The following MACROD2 variants were observed in gnomAD, a reference collection of about 807,000 sequenced individuals.
The protein encoded by MACROD2 is ADP-ribose glycohydrolase MACROD2.
Under a neutral mutation model 70.4 loss-of-function variants are expected in MACROD2, and 36 were observed. The ratio of observed to expected loss-of-function variants is 0.51; its 90% CI spans 0.39 to 0.68. The LOEUF (loss-of-function observed/expected upper bound fraction) is 0.68, where lower values mean the gene tolerates loss of function less well. Ranked by LOEUF, MACROD2 falls within the 30% of genes least tolerant of loss-of-function variation. MACROD2 has a pLI of 0.00. For synonymous variants in MACROD2, 172 were observed against 178.8 expected (o/e 0.96, Z 0.30); for missense variants, 496 against 538.4 (o/e 0.92, Z 0.78).
At chr20:15,928,270 T>C (rs2065521808) in intron 10 of MACROD2, among the ~76,000 whole-genome samples, 1 of 152,222 alleles carries the variant, frequency 6.6e-6, no homozygotes, top group African/African-American at 2.4e-5. Flanking sequence ...CAACATTCTG[T>C]TGCTTAAAAT....
At chr20:15,133,977 A>C (rs1247807232) in intron 5 of MACROD2, among the ~76,000 whole-genome samples, 9 of 142,076 alleles carry the variant, frequency 6.3e-5, no homozygotes, top group Admixed American at 5.9e-4. Context: ...GTGCCATCTC[A>C]GCTCACTGCA....
chr20:15,516,944 A>G (rs1010081111), intron 8 of MACROD2, among the ~76,000 whole-genome samples: 13 of 152,320 alleles, frequency 8.5e-5, no homozygotes, highest in African/African-American at 3.1e-4. Flanking sequence ...CTTGACTTTG[A>G]ATTATGGTAG....
chr20:14,790,617 A>T (rs1405627399), intron 5 of MACROD2, among the ~76,000 whole-genome samples: 3 of 152,074 alleles, frequency 2.0e-5, no homozygotes, highest in African/African-American at 4.8e-5. Flanking sequence ...ACATAATTGT[A>T]TGTGTTTTGT....
At chr20:14,770,185 T>C (rs2072146018) in intron 5 of MACROD2, among the ~76,000 whole-genome samples, 2 of 151,998 alleles carry the variant, frequency 1.3e-5, no homozygotes, top group Admixed American at 6.6e-5. Context: ...GAAATCTAAG[T>C]AGTGTTTACT....
chr20:14,487,446 T>TA (rs2084748486), intron 3 of MACROD2, among the ~76,000 whole-genome samples: 1 of 152,180 alleles, frequency 6.6e-6, no homozygotes, highest in South Asian at 2.1e-4. Flanking sequence ...AGGTCAATGA[T>TA]AGAGTCTGGA....
chr20:15,871,265 A>C (rs1026996620), intron 9 of MACROD2, among the ~76,000 whole-genome samples: 1 of 152,146 alleles, frequency 6.6e-6, no homozygotes, highest in South Asian at 2.1e-4. Flanking sequence ...AAAACTTTAA[A>C]ATTTTACCCA....
chr20:15,171,602 A>G (rs1249490019), intron 5 of MACROD2, among the ~76,000 whole-genome samples: 1 of 151,154 alleles, frequency 6.6e-6, no homozygotes, highest in Non-Finnish European at 1.5e-5. Context: ...ACATCCCACC[A>G]TCCCACTCAG....
intron 6 of MACROD2, among the ~76,000 whole-genome samples, chr20:15,430,366 T>A (rs1471987274): frequency 6.6e-6 from 1 of 152,090 alleles, no homozygotes; most frequent in Non-Finnish European, 1.5e-5. Context: ...GAAATCTCCG[T>A]ACTGTTTTCT....
intron 3 of MACROD2, among the ~76,000 whole-genome samples, chr20:14,393,888 T>C (rs375427397): frequency 3.9e-5 from 6 of 152,266 alleles, no homozygotes; most frequent in African/African-American, 1.4e-4. Context: ...ACTGTCCTTA[T>C]AAGAAGAGGA....
chr20:15,079,982 A>G (rs2075690239), intron 5 of MACROD2, among the ~76,000 whole-genome samples: 1 of 151,588 alleles, frequency 6.6e-6, no homozygotes, highest in South Asian at 2.1e-4. Flanking sequence ...AAATCTACCA[A>G]CCTGCCTGCT....
chr20:15,313,165 A>C (rs2146151780), intron 6 of MACROD2, among the ~76,000 whole-genome samples: 1 of 152,304 alleles, frequency 6.6e-6, no homozygotes, highest in South Asian at 2.1e-4. Flanking sequence ...TGAAAAGCAT[A>C]AATTTCAAAA....
At chr20:15,507,939 T>C (rs904066284) in intron 8 of MACROD2, among the ~76,000 whole-genome samples, 2 of 152,202 alleles carry the variant, frequency 1.3e-5, no homozygotes, top group Non-Finnish European at 2.9e-5. Flanking sequence ...AGTTAGCCAG[T>C]GATGGGGAGG....
intron 7 of MACROD2, among the ~76,000 whole-genome samples, chr20:15,474,508 T>G (rs2046997130): frequency 6.6e-6 from 1 of 152,196 alleles, no homozygotes; most frequent in African/African-American, 2.4e-5. Context: ...CTTTCTTTGC[T>G]TTTTCCTGCT....
chr20:15,248,265 C>A (rs74326695), intron 6 of MACROD2, among the ~76,000 whole-genome samples: 28,648 of 152,082 alleles, frequency 0.19, 3,207 homozygotes, highest in African/African-American at 0.31. Context: ...ATCCTCAAGC[C>A]GTCCTCCCTG....
chr20:14,957,044 C>T (rs1401899076), intron 5 of MACROD2, among the ~76,000 whole-genome samples: 1 of 152,226 alleles, frequency 6.6e-6, no homozygotes, highest in East Asian at 1.9e-4. Context: ...CAATAATACT[C>T]ATAAATTCAG....
chr20:15,869,236 T>TAGAGAGAGAGAGAGAGAGAGAG (rs1423223643), intron 9 of MACROD2, among the ~76,000 whole-genome samples: 10 of 33,446 alleles, frequency 3.0e-4, no homozygotes, highest in African/African-American at 6.9e-4. Flanking sequence ...TATATATATA[T>TAGAGAGAGAGAGAGAGAGAGAG]ATAGAGAGAG....
chr20:14,569,822 G>C (rs1980066147), intron 4 of MACROD2, among the ~76,000 whole-genome samples: 2 of 151,874 alleles, frequency 1.3e-5, no homozygotes, highest in African/African-American at 4.8e-5. Flanking sequence ...AGGGAAAAAA[G>C]TTTGGAAACC....
At chr20:15,611,284 TCC>T (rs1039943591) in intron 8 of MACROD2, among the ~76,000 whole-genome samples, 1 of 151,918 alleles carries the variant, frequency 6.6e-6, no homozygotes, top group Non-Finnish European at 1.5e-5. Flanking sequence ...GTTACCTGCC[TCC>T]CCCAAAAAAT....
chr20:14,192,889 A>C (rs2081399896), intron 3 of MACROD2, among the ~76,000 whole-genome samples: 1 of 152,196 alleles, frequency 6.6e-6, no homozygotes. Flanking sequence ...AGAAAAAATG[A>C]TCCTTGGTGG....
Sources: gnomAD v4.1 joint callset for allele counts (sites outside exome capture counted in the v4.1 genomes callset) on GRCh38, gnomAD v4.1.1 for gene constraint, MANE v1.5 for transcripts, NCBI Gene and HGNC (gene_info 2026-07-23, HGNC 2026-07-21) for gene names.